Variants in TSPAN18 observed in about 807,000 individuals in gnomAD.
TSPAN18 encodes tetraspanin-18.
Under a neutral mutation model 27.3 loss-of-function variants are expected in TSPAN18, and 14 were observed. That is an observed-to-expected ratio of 0.51 (90% CI 0.34 to 0.80). The LOEUF (loss-of-function observed/expected upper bound fraction) is 0.80. TSPAN18 is among the 30% of genes least tolerant of loss of function. The probability of loss-of-function intolerance (pLI) is 0.01; values close to 1 mark genes in which losing one functional copy is unlikely to be tolerated. For missense variants in TSPAN18, 268 were observed against 323.9 expected, an observed-to-expected ratio of 0.83 and a Z score of 1.32; for synonymous variants, 143 against 136.5, an observed-to-expected ratio of 1.05 and a Z score of -0.33.
chr11:44,729,092 T>C (rs1467500178), intron 1 of TSPAN18, among the ~76,000 whole-genome samples: 1 of 152,208 alleles, frequency 6.6e-6, no homozygotes, highest in African/African-American at 2.4e-5. Flanking sequence ...CATGTTTTTG[T>C]TGGATGCTAC....
At chr11:44,856,799 T>C (rs947202269) in intron 2 of TSPAN18, among the ~76,000 whole-genome samples, 5 of 152,096 alleles carry the variant, frequency 3.3e-5, no homozygotes, top group African/African-American at 1.2e-4. Context: ...GAAATACTTG[T>C]CCAAGTTCTA....
At chr11:44,765,436 G>A (rs1334609324) in intron 2 of TSPAN18, among the ~76,000 whole-genome samples, 2 of 152,172 alleles carry the variant, frequency 1.3e-5, no homozygotes, top group African/African-American at 4.8e-5. Context: ...GAGGTGCAGA[G>A]GAACCTTGGT....
intron 6 of TSPAN18, among the ~76,000 whole-genome samples, chr11:44,918,916 ACTCCCCACCCAGATAAGCC>A (rs1249380636): frequency 6.6e-6 from 1 of 150,556 alleles, no homozygotes. Flanking sequence ...TGAGGTGCAA[ACTCCCCACCCAGATAAGCC>A]CTCCCTCTGG....
chr11:44,876,933 G>A lies in TSPAN18; in HGVS notation c.-11+16464G>A, dbSNP rs145626219. The stretch of plus-strand genomic sequence containing the variant: ...CCCAGACAGACAGACAGGGTTTCAC[G>A]GAGCTGGGACTGGGAAGAGCCCACC... On this transcript the variant is annotated intron_variant, in intron 3 of 9. Transcript: ENST00000520358. Among the ~76,000 whole-genome samples, 724 of 152,312 alleles carry A rather than the reference G, an allele frequency of 4.8e-3. 10 individuals are homozygous for A. The highest frequency in any genetic ancestry group is 0.043 in the Admixed American group (657 of 15,306).
chr11:44,927,940 T>G (rs1488126649), intron 9 of TSPAN18, among the ~76,000 whole-genome samples: 1 of 152,168 alleles, frequency 6.6e-6, no homozygotes, highest in East Asian at 1.9e-4. Flanking sequence ...CTTGATCTGC[T>G]GCCTCACTCC....
At chr11:44,850,863 T>G (rs1857583847) in intron 2 of TSPAN18, among the ~76,000 whole-genome samples, 1 of 152,112 alleles carries the variant, frequency 6.6e-6, no homozygotes, top group Admixed American at 6.5e-5. Flanking sequence ...GCTCCCTAGA[T>G]TCCTTCTCAC....
At chr11:44,903,568 G>A in intron 3 of TSPAN18, 1 of 456,460 alleles carries the variant, frequency 2.2e-6, no homozygotes, top group Non-Finnish European at 4.4e-6. Context: ...AGGGGAGGTA[G>A]GGAGGCCAGT....
At chr11:44,796,291 G>C (rs1251421032) in intron 2 of TSPAN18, among the ~76,000 whole-genome samples, 1 of 152,180 alleles carries the variant, frequency 6.6e-6, no homozygotes, top group African/African-American at 2.4e-5. Flanking sequence ...GTGCAGTGGA[G>C]AAGCCATGGC....
intron 2 of TSPAN18, among the ~76,000 whole-genome samples, chr11:44,858,476 A>C (rs1295814264): frequency 6.6e-6 from 1 of 152,232 alleles, no homozygotes; most frequent in African/African-American, 2.4e-5. Context: ...CAGATGGAGA[A>C]ACTGAGGCCC....
At chr11:44,780,589 C>G (rs1309597493) in intron 2 of TSPAN18, among the ~76,000 whole-genome samples, 2 of 152,242 alleles carry the variant, frequency 1.3e-5, no homozygotes, top group Non-Finnish European at 1.5e-5. Context: ...TCATTTCCTT[C>G]ATGGTTCTGA....
At chr11:44,817,979 G>A (rs1408079676) in intron 2 of TSPAN18, among the ~76,000 whole-genome samples, 1 of 152,208 alleles carries the variant, frequency 6.6e-6, no homozygotes, top group Non-Finnish European at 1.5e-5. Flanking sequence ...GGAGGTCTGA[G>A]GCTGGAGAGG....
intron 2 of TSPAN18, among the ~76,000 whole-genome samples, chr11:44,850,258 C>G (rs142115758): frequency 2.0e-5 from 3 of 152,242 alleles, no homozygotes; most frequent in Admixed American, 2.0e-4. Context: ...ATACATTCTG[C>G]TTAGAAAAAA....
chr11:44,741,998 G>A (rs1226218523), intron 1 of TSPAN18, among the ~76,000 whole-genome samples: 1 of 151,570 alleles, frequency 6.6e-6, no homozygotes, highest in Non-Finnish European at 1.5e-5. Context: ...ACCCATATAC[G>A]TTGTAGCTCA....
intron 1 of TSPAN18, among the ~76,000 whole-genome samples, chr11:44,754,799 A>G (rs1188628384): frequency 6.6e-6 from 1 of 152,234 alleles, no homozygotes; most frequent in East Asian, 1.9e-4. Context: ...TCCAGTGGAT[A>G]GTCCTTGTCC....
At chr11:44,819,820 A>G (rs749339844) in intron 2 of TSPAN18, among the ~76,000 whole-genome samples, 1 of 151,934 alleles carries the variant, frequency 6.6e-6, no homozygotes, top group African/African-American at 2.4e-5. Flanking sequence ...TCTATATCAC[A>G]GAAAAGTCCA....
intron 9 of TSPAN18, 44 bp from the exon 10 acceptor site, chr11:44,929,087 C>T (rs768682901): frequency 6.2e-7 from 1 of 1,611,662 alleles, no homozygotes. Context: ...CCACAAAGGG[C>T]CCAGCCTGAT....
chr11:44,733,894 G>A (rs976729433), intron 1 of TSPAN18, among the ~76,000 whole-genome samples: 5 of 152,098 alleles, frequency 3.3e-5, no homozygotes, highest in Non-Finnish European at 2.9e-5. Flanking sequence ...TCCTGCTATA[G>A]TTTGGTTTGT....
At chr11:44,869,081 C>G (rs1565184591) in intron 3 of TSPAN18, among the ~76,000 whole-genome samples, 1 of 152,178 alleles carries the variant, frequency 6.6e-6, no homozygotes, top group Non-Finnish European at 1.5e-5. Flanking sequence ...GGCTTAGGCC[C>G]TTTTTTCTGC....
intron 3 of TSPAN18, among the ~76,000 whole-genome samples, chr11:44,890,271 C>A (rs1296806482): frequency 6.6e-6 from 1 of 152,212 alleles, no homozygotes; most frequent in Non-Finnish European, 1.5e-5. Context: ...GATTGGTGAA[C>A]TTTGAGAAAC....
Sources: allele counts gnomAD v4.1 joint callset (sites outside exome capture counted in the v4.1 genomes callset), GRCh38; gene constraint gnomAD v4.1.1; transcripts MANE v1.5; gene names NCBI Gene and HGNC (gene_info 2026-07-23, HGNC 2026-07-21).